Variants in DPP6 observed in about 807,000 individuals in gnomAD.
DPP6 encodes the protein A-type potassium channel modulatory protein DPP6.
Under a neutral mutation model 122.6 loss-of-function variants are expected in DPP6, and 69 were observed. The ratio of observed to expected loss-of-function variants is 0.56; its 90% CI spans 0.46 to 0.69. The LOEUF (loss-of-function observed/expected upper bound fraction) is 0.69. Among genes scored for constraint, DPP6 ranks in the 30% least tolerant of loss-of-function variants. The pLI is 0.00. For missense variants in DPP6, 928 were observed against 1,116.9 expected, an observed-to-expected ratio of 0.83 and a Z score of 2.41; for synonymous variants, 418 against 433.1, an observed-to-expected ratio of 0.97 and a Z score of 0.43.
At chr7:154,608,494 ATT>A (rs59406009) in intron 5 of DPP6, among the ~76,000 whole-genome samples, 46 of 138,618 alleles carry the variant, frequency 3.3e-4, no homozygotes, top group African/African-American at 5.8e-4. Flanking sequence ...CACCTGGCTA[ATT>A]TTTTTTTTTT....
chr7:154,822,658 A>G (rs1209231292), intron 16 of DPP6, among the ~76,000 whole-genome samples: 2 of 152,144 alleles, frequency 1.3e-5, no homozygotes, highest in African/African-American at 2.4e-5. Context: ...AGCCAGTGAC[A>G]GTGTCAGCCC....
At chr7:154,341,498 C>A (rs1224312394) in intron 1 of DPP6, among the ~76,000 whole-genome samples, 1 of 152,036 alleles carries the variant, frequency 6.6e-6, no homozygotes, top group African/African-American at 2.4e-5. Flanking sequence ...AGAAAACCCT[C>A]ACTCCTGGGT....
chr7:154,271,537 G>A (rs1167795314), intron 1 of DPP6, among the ~76,000 whole-genome samples: 1 of 152,190 alleles, frequency 6.6e-6, no homozygotes, highest in Non-Finnish European at 1.5e-5. Context: ...TTTTTAAACA[G>A]CACAATTCCC....
intron 1 of DPP6, among the ~76,000 whole-genome samples, chr7:154,388,170 G>A (rs1223141747): frequency 6.6e-6 from 1 of 152,056 alleles, no homozygotes; most frequent in African/African-American, 2.4e-5. Flanking sequence ...GGATGTGGTG[G>A]TGCACACCTG....
At chr7:154,797,572 T>C (rs1412577844) in intron 12 of DPP6, among the ~76,000 whole-genome samples, 2 of 152,184 alleles carry the variant, frequency 1.3e-5, no homozygotes, top group East Asian at 3.8e-4. Flanking sequence ...ATTCCATCTA[T>C]ATAAAATATC....
At chr7:154,496,270 C>T (rs1824729118) in intron 3 of DPP6, among the ~76,000 whole-genome samples, 1 of 152,124 alleles carries the variant, frequency 6.6e-6, no homozygotes, top group Non-Finnish European at 1.5e-5. Flanking sequence ...GTCTCAGAAT[C>T]CAAGACTGCA....
At chr7:154,706,444 C>G (rs1302182430) in intron 7 of DPP6, among the ~76,000 whole-genome samples, 3 of 152,166 alleles carry the variant, frequency 2.0e-5, no homozygotes, top group African/African-American at 7.2e-5. Context: ...TTCCTCCCAG[C>G]AATTCCCAGA....
rs757326774 is a variant in DPP6 at position 154,606,956 on chromosome 7, C to T, written c.628-30865C>T. On this transcript the variant is annotated intron_variant, in intron 5 of 25. Transcript: ENST00000377770. ...AAGATACAGCATTCAACCACAACTG[C>T]GTAAGATTAACTGTGGTGCATACTG... 1.7e-5 allele frequency among the ~76,000 whole-genome samples: 2 copies of T among 121,120 alleles called. 1 individual carries two copies. The highest frequency in any genetic ancestry group is 3.7e-5 in the Non-Finnish European group (2 of 53,768). The allele number at this position is 121,120 out of a possible 152,430, so 79.5% of individuals were successfully genotyped here.
chr7:154,729,373 A>C (rs184159916), intron 8 of DPP6, among the ~76,000 whole-genome samples: 1 of 152,126 alleles, frequency 6.6e-6, no homozygotes, highest in Non-Finnish European at 1.5e-5. Context: ...TGCATCATAA[A>C]TTATAAAGCA....
chr7:154,650,107 C>T lies in DPP6; in HGVS notation c.680+12234C>T, dbSNP rs569959049. On this transcript the variant is annotated intron_variant, in intron 6 of 25. Transcript: ENST00000377770. ...GGTCAACGTGGGAGGATCTCTTGAG[C>T]CCAGGAGTTTGAGACCAGCCTGGGC... Among the ~76,000 whole-genome samples the T allele has an allele frequency of 2.2e-4, 34 of 152,248 alleles. No individual in the cohort carries two copies. In the South Asian group the frequency reaches 7.1e-3, roughly 32 times the overall value.
chr7:154,604,563 C>G (rs1340298430), intron 5 of DPP6, among the ~76,000 whole-genome samples: 1 of 120,864 alleles, frequency 8.3e-6, no homozygotes, highest in Non-Finnish European at 1.9e-5. Flanking sequence ...AGCACAAAGA[C>G]TTCTTTTAAG....
At chr7:154,751,777 A>G (rs1226477149) in intron 8 of DPP6, among the ~76,000 whole-genome samples, 1 of 151,932 alleles carries the variant, frequency 6.6e-6, no homozygotes, top group Non-Finnish European at 1.5e-5. Context: ...GACGGATAGG[A>G]CTTCCACAGC....
chr7:154,010,407 G>C (rs1109718), intron 1 of DPP6, among the ~76,000 whole-genome samples: 19 of 152,336 alleles, frequency 1.2e-4, no homozygotes, highest in Admixed American at 9.1e-4. Context: ...CTATTCAGTT[G>C]TCATCTGAAA....
intron 1 of DPP6, among the ~76,000 whole-genome samples, chr7:154,440,923 G>A (rs1819321851): frequency 6.6e-6 from 1 of 152,168 alleles, no homozygotes; most frequent in Non-Finnish European, 1.5e-5. Flanking sequence ...GCAGGGGTGT[G>A]TCTTTAGGAG....
intron 1 of DPP6, among the ~76,000 whole-genome samples, chr7:154,384,721 C>G (rs573818811): frequency 2.1e-5 from 2 of 96,822 alleles, no homozygotes; most frequent in South Asian, 7.4e-4. Context: ...TTCTTTTTTT[C>G]TTTCTTTCTT....
rs1237378431 is a variant in DPP6 at position 154,661,728 on chromosome 7, GTT to G, written c.681-7631_681-7630del. 1.2e-3 allele frequency among the ~76,000 whole-genome samples: 169 copies of G among 144,164 alleles called. 1 individual carries two copies. Among genetic ancestry groups the G allele is most frequent in the African/African-American group, 4.2e-3 (161 of 38,454 alleles). 94.6% of individuals were successfully genotyped at this position (144,164 alleles called of 152,430 possible). ...ATCACCATGGCATATTGGCCGTAGT[GTT>G]CATATAGTCATGGTGAATCACCATG... On this transcript the variant is annotated intron_variant, in intron 6 of 25. Coordinates refer to ENST00000377770, the MANE Select transcript of DPP6 (RefSeq NM_130797.4).
At chr7:153,766,814 C>A in the DPP6 span, among the ~76,000 whole-genome samples, 1 of 151,990 alleles carries the variant, frequency 6.6e-6, no homozygotes, top group Non-Finnish European at 1.5e-5. Flanking sequence ...TTTAAAAAAA[C>A]AAGCAAAAAC....
intron 7 of DPP6, among the ~76,000 whole-genome samples, chr7:154,701,733 T>C (rs769628017): frequency 1.2e-4 from 19 of 152,194 alleles, no homozygotes; most frequent in Admixed American, 7.2e-4. Context: ...GGCTCTACCT[T>C]CATTGGGCCA....
the DPP6 span, among the ~76,000 whole-genome samples, chr7:153,804,501 G>T: frequency 6.6e-6 from 1 of 152,130 alleles, no homozygotes; most frequent in Non-Finnish European, 1.5e-5. Context: ...TGATATTGTT[G>T]CCATTGCTTG....
Sources: gnomAD v4.1 joint callset for allele counts (sites outside exome capture counted in the v4.1 genomes callset) on GRCh38, gnomAD v4.1.1 for gene constraint, MANE v1.5 for transcripts, NCBI Gene and HGNC (gene_info 2026-07-23, HGNC 2026-07-21) for gene names.